The following COL11A2 variants were observed in gnomAD, a reference collection of about 807,000 sequenced individuals.
COL11A2 encodes collagen type XI alpha 2 chain.
A neutral mutation model predicts 273.4 loss-of-function variants in COL11A2; 116 were observed. That is an observed-to-expected ratio of 0.42 (90% CI 0.36 to 0.49). The LOEUF (loss-of-function observed/expected upper bound fraction) is 0.49, where lower values mean the gene tolerates loss of function less well. COL11A2 is among the 20% of genes least tolerant of loss of function. COL11A2 has a pLI of 0.00. For synonymous variants in COL11A2, 782 were observed against 864.2 expected, an observed-to-expected ratio of 0.90 and a Z score of 1.67; for missense variants, 1,866 against 2,309.0, an observed-to-expected ratio of 0.81 and a Z score of 3.93.
In COL11A2 at chr6:33,170,892, C is replaced by T. The variant is rs529015303; in HGVS notation, c.3392G>A (p.Arg1131Gln). Residue 1131 changes from arginine to glutamine, a missense_variant, in exon 46 of 66, where the codon CGG (arginine) becomes CAG (glutamine). Physicochemically the swap from Arg to Gln is conservative, Grantham distance 43. Coordinates refer to ENST00000341947, the MANE Select transcript of COL11A2 (RefSeq NM_080680.3). The surrounding 1 kb of genome is among the most constrained non-coding windows in gnomAD (Gnocchi z 4.3). ...GGCTCCAAAGTGTCCCTGGGGTCCC[C>T]GAGCTCCGGGCTCCCCATCTGCTCC... is the stretch of plus-strand genomic sequence containing the variant. The part of the protein sequence containing the change: ...AAGADGEPGA[R>Q]GPQGHFGAKG... 55 of 1,612,990 alleles carry T rather than the reference C, an allele frequency of 3.4e-5. No homozygotes were observed. The highest frequency in any genetic ancestry group is 1.6e-4 in the Middle Eastern group (1 of 6,062).
chr6:33,185,635 T>C (rs930127295), intron 6 of COL11A2, 66 bp downstream of exon 6: 1 of 672,622 alleles, frequency 1.5e-6, no homozygotes, highest in Non-Finnish European at 2.6e-6. Flanking sequence ...GAGGAAGGTG[T>C]CCTAGGAGAT....
rs906127451 is a variant in COL11A2, at chr6:33,163,471, C to A, written c.*207G>T. 2 of 664,690 alleles carry A rather than the reference C, an allele frequency of 3.0e-6. No homozygotes were observed. The highest frequency in any genetic ancestry group is 5.2e-6 in the Non-Finnish European group (2 of 383,584). The allele number at this position is 664,690 out of a possible 1,614,324, so 41.2% of individuals were successfully genotyped here. On this transcript the variant is annotated 3_prime_UTR_variant, in exon 66 of 66. Coordinates refer to ENST00000341947, the MANE Select transcript of COL11A2 (RefSeq NM_080680.3). This position sits in a 1 kb window ranked among gnomAD's most constrained non-coding sequence, Gnocchi z 4.1. ...GGGTAACAGGCTCCAGGTGGGAGGGCCAAGAGCCCCAGATGCCACTCCTCC... is the reference window on the plus strand; with the variant it reads ...GGGTAACAGGCTCCAGGTGGGAGGGACAAGAGCCCCAGATGCCACTCCTCC...
chr6:33,165,781 A>T lies in COL11A2; in HGVS notation c.4518T>A (p.Ile1506=). 6.2e-7 allele frequency: 1 copy of T among 1,613,158 alleles called. No homozygotes were observed. The highest frequency in any genetic ancestry group is 8.5e-7 in the Non-Finnish European group (1 of 1,179,954). ...AGCGCCGAGTCTTCTTGGGCATCTG[A>T]ATGGGCAGTGGCTGGATCACCTCGC... ...PPGEVIQPLP[I]QMPKKTRRSV... is the part of the protein sequence containing the mutation. The change falls in exon 63 of 66, where the codon ATT becomes ATA. Residue 1506 remains isoleucine (I), a synonymous_variant. Coordinates refer to ENST00000341947, the MANE Select transcript of COL11A2 (RefSeq NM_080680.3). The surrounding 1 kb of genome is among the most constrained non-coding windows in gnomAD (Gnocchi z 7.7).
chr6:33,175,353 G>A lies in COL11A2; in HGVS notation c.2376+221C>T, dbSNP rs922397873. 8 of 681,546 alleles carry A rather than the reference G, an allele frequency of 1.2e-5. No homozygotes were observed. The East Asian group carries it at 1.4e-4, about 12-fold the overall frequency. The allele number at this position is 681,546 out of a possible 1,614,324, so 42.2% of individuals were successfully genotyped here. A position where few individuals can be genotyped will look rare whatever the true frequency, so the allele number is the denominator to read the frequency against. On this transcript the variant is annotated intron_variant, in intron 30 of 65. Transcript: ENST00000341947. ...AAGCAACAGCTACTCTCTAAGCTTC[G>A]TCTCCGTCCAACTCTTCGTGTCAGG... is the stretch of plus-strand genomic sequence containing the variant.
rs370055023 is a variant in COL11A2 at position 33,178,628 on chromosome 6, C to T, written c.1719+51G>A. ...CCTCCCTTCCCTACCTATCCTCACTCCCATAGAAGATCTATCCCCAATTAC... is the reference window on the plus strand; with the variant it reads ...CCTCCCTTCCCTACCTATCCTCACTTCCATAGAAGATCTATCCCCAATTAC... On this transcript the variant is annotated intron_variant, in intron 18 of 65. Transcript: ENST00000341947. The surrounding 1 kb of genome is among the most constrained non-coding windows in gnomAD (Gnocchi z 4.6). 3,567 of 1,609,404 alleles carry T rather than the reference C, an allele frequency of 2.2e-3. 93 individuals carry two copies. In the South Asian group the frequency reaches 0.033, roughly 15 times the overall value.
At chr6:33,185,273 C>T (rs1339347446) in intron 6 of COL11A2, among the ~76,000 whole-genome samples, 1 of 152,160 alleles carries the variant, frequency 6.6e-6, no homozygotes, top group Non-Finnish European at 1.5e-5. Context: ...ATCTGGATGC[C>T]CCGGCTCTAC....
At position 33,169,362 on chromosome 6, in the gene COL11A2, C is replaced by A. The variant is rs775957881; in HGVS notation, c.3798+21G>T. On this transcript the variant is annotated intron_variant, in intron 51 of 65. Coordinates refer to ENST00000341947, the MANE Select transcript of COL11A2 (RefSeq NM_080680.3). The surrounding 1 kb of genome is among the most constrained non-coding windows in gnomAD (Gnocchi z 5.5). ...ATTCACAGGGCCTGAGAGGACTCAG[C>A]CCCCACTGCCCCAAACTCACAGGGT... is the stretch of plus-strand genomic sequence containing the variant. 1 of 1,586,482 alleles carries A rather than the reference C, an allele frequency of 6.3e-7. No individual in the cohort carries two copies. The highest frequency in any genetic ancestry group is 8.6e-7 in the Non-Finnish European group (1 of 1,157,110).
chr6:33,171,684 G>T (rs1272690699), intron 42 of COL11A2, 29 bp downstream of exon 42: 1 of 1,601,456 alleles, frequency 6.2e-7, no homozygotes. Context: ...CCCCTCCCCA[G>T]TACCCCTCCC....
At position 33,189,612 on chromosome 6, in the gene COL11A2, C is replaced by G; in HGVS notation, c.83-143G>C. 9.0e-7 allele frequency: 1 copy of G among 1,111,254 alleles called. No individual in the cohort carries two copies. The highest frequency in any genetic ancestry group is 2.6e-5 in the East Asian group (1 of 38,740). 68.8% of individuals were successfully genotyped at this position (1,111,254 alleles called of 1,614,324 possible). A position where few individuals can be genotyped will look rare whatever the true frequency, so the allele number is the denominator to read the frequency against. ...CACCTCACCCTCACTTGCTTCTGAA[C>G]AGTACCTGAATGGATGGGAAATGCA... On this transcript the variant is annotated intron_variant, in intron 1 of 65. Transcript: ENST00000341947. This position sits in a 1 kb window ranked among gnomAD's most constrained non-coding sequence, Gnocchi z 5.6.
rs1177660448 is a variant in COL11A2, at chr6:33,164,327, A to T, written c.5010T>A (p.Asn1670Lys). The T allele has an allele frequency of 6.2e-7, 1 of 1,612,620 alleles. No individual in the cohort carries two copies. The highest frequency in any genetic ancestry group is 8.5e-7 in the Non-Finnish European group (1 of 1,179,942). Residue 1670 changes from asparagine to lysine, a missense_variant, in exon 65 of 66, where the codon AAT becomes AAA. Physicochemically the swap from Asn to Lys is moderately conservative, Grantham distance 94. Transcript: ENST00000341947. The surrounding 1 kb of genome is among the most constrained non-coding windows in gnomAD (Gnocchi z 4.7). Reference protein sequence around the residue: ...RDGPLRLRGANEDELSPETSP... With the variant: ...RDGPLRLRGAKEDELSPETSP... ...TAGTCTCCGGGCTCAGCTCATCCTC[A>T]TTGGCCCCACGGAGTCTCAGGGGAC...
chr6:33,172,695 A>C, intron 38 of COL11A2, 58 bp from the exon 39 acceptor site: 1 of 1,475,150 alleles, frequency 6.8e-7, no homozygotes, highest in Non-Finnish European at 9.4e-7. Flanking sequence ...TGTCTGCCAG[A>C]AGAGCCCACC....
chr6:33,170,674 A>T lies in COL11A2; in HGVS notation c.3475-64T>A, dbSNP rs1008210938. The T allele has an allele frequency of 1.2e-6, 2 of 1,602,636 alleles. No individual in the cohort carries two copies. Among genetic ancestry groups the T allele is most frequent in the Admixed American group, 3.3e-5 (2 of 59,936 alleles). On this transcript the variant is annotated intron_variant, in intron 46 of 65. Transcript: ENST00000341947. The surrounding 1 kb of genome is among the most constrained non-coding windows in gnomAD (Gnocchi z 4.3). ...CCACCCAAAGCACAGCCCTAGGCAG[A>T]TAGGCCCCACAGTCCCCTCCCCTCA... is the stretch of plus-strand genomic sequence containing the variant.
rs1771147227 is a variant in COL11A2 at position 33,177,900 on chromosome 6, C to T, written c.1873-194G>A. 1 of 783,150 alleles carries T rather than the reference C, an allele frequency of 1.3e-6. No individual in the cohort carries two copies. Among genetic ancestry groups the T allele is most frequent in the South Asian group, 1.7e-5 (1 of 59,954 alleles). 48.5% of individuals were successfully genotyped at this position (783,150 alleles called of 1,614,324 possible). A position where few individuals can be genotyped will look rare whatever the true frequency, so the allele number is the denominator to read the frequency against. ...GCTTGTGGGCTTTGGTTTTGTTTTT[C>T]TTGAAGATTTATTTCCTATGCCCAG... On this transcript the variant is annotated intron_variant, in intron 21 of 65. Coordinates refer to ENST00000341947, the MANE Select transcript of COL11A2 (RefSeq NM_080680.3). The surrounding 1 kb of genome is among the most constrained non-coding windows in gnomAD (Gnocchi z 5.9).
At position 33,176,594 on chromosome 6, in the gene COL11A2, A is replaced by T; in HGVS notation, c.2116-108T>A. The T allele has an allele frequency of 7.1e-7, 1 of 1,411,852 alleles. No individual in the cohort carries two copies. Among genetic ancestry groups the T allele is most frequent in the Non-Finnish European group, 1.0e-6 (1 of 1,004,850 alleles). 87.5% of individuals were successfully genotyped at this position (1,411,852 alleles called of 1,614,324 possible). A position where few individuals can be genotyped will look rare whatever the true frequency, so the allele number is the denominator to read the frequency against. On this transcript the variant is annotated intron_variant, in intron 26 of 65. Transcript: ENST00000341947. The surrounding 1 kb of genome is among the most constrained non-coding windows in gnomAD (Gnocchi z 4.9). ...ACAACATTGCTGTCTGGGTAGGGTT[A>T]CGGGGCACAGGAATTGAGAATGTGG... is the stretch of plus-strand genomic sequence containing the variant.
At chr6:33,180,620 C>T (rs1164699411) in intron 11 of COL11A2, 48 bp downstream of exon 11, 1 of 1,534,296 alleles carries the variant, frequency 6.5e-7, no homozygotes, top group Admixed American at 1.9e-5. Flanking sequence ...GCTTGGATAC[C>T]ACTAGCTCCC....
At chr6:33,180,157 G>C in intron 12 of COL11A2, 101 bp downstream of exon 12, 4 of 1,213,850 alleles carry the variant, frequency 3.3e-6, no homozygotes, top group Non-Finnish European at 4.9e-6. Context: ...ATGATCTTTA[G>C]AGACTCCTCC....
chr6:33,172,640 A>G lies in COL11A2; in HGVS notation c.2791-3T>C. On this transcript the variant is annotated splice_polypyrimidine_tract_variant and splice_region_variant and intron_variant, in intron 38 of 65. Transcript: ENST00000341947. ...GGGCCGGTTTCTCCTGCTGCTCCCTAGACAAAAGCAGAGAGAGTTCCTGCT... is the reference window on the plus strand; with the variant it reads ...GGGCCGGTTTCTCCTGCTGCTCCCTGGACAAAAGCAGAGAGAGTTCCTGCT... 1 of 1,610,816 alleles carries G rather than the reference A, an allele frequency of 6.2e-7. No individual in the cohort carries two copies. The highest frequency in any genetic ancestry group is 8.5e-7 in the Non-Finnish European group (1 of 1,179,138).
At chr6:33,186,409 A>G in intron 5 of COL11A2, 1 of 1,428,928 alleles carries the variant, frequency 7.0e-7, no homozygotes, top group South Asian at 1.6e-5. Flanking sequence ...CTGGAAGAGG[A>G]GACGCAGAGC....
Position 33,163,374 on chromosome 6 carries a change from C to T in COL11A2, c.*304G>A. 2.0e-6 allele frequency: 1 copy of T among 507,752 alleles called. No individual in the cohort carries two copies. The highest frequency in any genetic ancestry group is 3.5e-6 in the Non-Finnish European group (1 of 284,902). The allele number at this position is 507,752 out of a possible 1,614,324, so 31.5% of individuals were successfully genotyped here. A position where few individuals can be genotyped will look rare whatever the true frequency, so the allele number is the denominator to read the frequency against. On this transcript the variant is annotated 3_prime_UTR_variant, in exon 66 of 66. Transcript: ENST00000341947. This position sits in a 1 kb window ranked among gnomAD's most constrained non-coding sequence, Gnocchi z 4.1. The stretch of plus-strand genomic sequence containing the variant: ...CTTTTAAATACAAAATACGCCATGT[C>T]CTTTCTCTTCTCTTCCATTTGTTTG...
Sources: allele counts gnomAD v4.1 joint callset (sites outside exome capture counted in the v4.1 genomes callset), GRCh38; gene constraint gnomAD v4.1.1; non-coding constraint Gnocchi (gnomAD v3.1); transcripts MANE v1.5; gene names NCBI Gene and HGNC (gene_info 2026-07-23, HGNC 2026-07-21).